Variants in PDS5B observed in about 807,000 individuals in gnomAD.
PDS5B encodes PDS5 cohesin associated factor B.
A neutral mutation model predicts 184.1 loss-of-function variants in PDS5B; 51 were observed. The ratio of observed to expected loss-of-function variants is 0.28; its 90% confidence interval spans 0.22 to 0.35. The LOEUF (loss-of-function observed/expected upper bound fraction) is 0.35, where lower values mean the gene tolerates loss of function less well. Ranked by LOEUF, PDS5B falls within the 10% of genes least tolerant of loss-of-function variation. The probability of loss-of-function intolerance (pLI) is 1.00; values close to 1 mark genes in which losing one functional copy is unlikely to be tolerated. For missense variants in PDS5B, 1,180 were observed against 1,723.3 expected, an observed-to-expected ratio of 0.68 and a Z score of 5.58; for synonymous variants, 566 against 569.2, an observed-to-expected ratio of 0.99 and a Z score of 0.08.
intron 16 of PDS5B, 63 bp from the exon 17 acceptor site, chr13:32,701,260 A>G (rs1951853797): frequency 1.2e-6 from 1 of 845,864 alleles, no homozygotes; most frequent in Non-Finnish European, 2.0e-6. Flanking sequence ...TTGGTTCTTA[A>G]TATTTTAACA....
chr13:32,717,899 ACCCACCCCCCC>A (rs1952528648), intron 19 of PDS5B, among the ~76,000 whole-genome samples: 1 of 71,234 alleles, frequency 1.4e-5, no homozygotes, highest in Non-Finnish European at 2.8e-5. Flanking sequence ...TATCCTCCCC[ACCCACCCCCCC>A]AAAAAAAAAC....
At chr13:32,612,870 C>T (rs985384697) in intron 1 of PDS5B, among the ~76,000 whole-genome samples, 2 of 152,298 alleles carry the variant, frequency 1.3e-5, no homozygotes, top group Middle Eastern at 3.4e-3. Context: ...AATTTTCATT[C>T]ATTATGAATT....
intron 1 of PDS5B, among the ~76,000 whole-genome samples, chr13:32,596,720 A>G (rs1359151789): frequency 2.0e-5 from 3 of 151,870 alleles, no homozygotes; most frequent in African/African-American, 7.3e-5. Context: ...TTGTGGTTTT[A>G]TTTTGGATTT....
At chr13:32,674,387 A>G (rs1951014059) in intron 8 of PDS5B, among the ~76,000 whole-genome samples, 2 of 152,086 alleles carry the variant, frequency 1.3e-5, no homozygotes, top group Non-Finnish European at 2.9e-5. Context: ...TATATTCTGG[A>G]GTAGTTTTTG....
intron 27 of PDS5B, 142 bp downstream of exon 27, chr13:32,758,361 T>G (rs1025504769): frequency 7.1e-5 from 68 of 955,790 alleles, no homozygotes; most frequent in Non-Finnish European, 2.0e-5. Flanking sequence ...TTAGCAGTAA[T>G]TTTATTACAA....
At chr13:32,771,676 A>G (rs541033168) in intron 33 of PDS5B, among the ~76,000 whole-genome samples, 2 of 152,108 alleles carry the variant, frequency 1.3e-5, no homozygotes, top group Admixed American at 6.5e-5. Flanking sequence ...TAATTTTTCT[A>G]TCAGGTTAAA....
intron 19 of PDS5B, among the ~76,000 whole-genome samples, chr13:32,716,312 C>T (rs1314229629): frequency 9.2e-5 from 14 of 151,746 alleles, no homozygotes; most frequent in African/African-American, 2.9e-4. Context: ...TCTGCCCTGC[C>T]GCCCCATCTG....
chr13:32,752,990 A>G (rs1371883564), intron 24 of PDS5B, among the ~76,000 whole-genome samples: 1 of 152,114 alleles, frequency 6.6e-6, no homozygotes, highest in Admixed American at 6.5e-5. Context: ...GGGCAGTTTT[A>G]TCTTGCCCAG....
At chr13:32,719,658 G>C (rs1214601190) in intron 19 of PDS5B, among the ~76,000 whole-genome samples, 1 of 152,068 alleles carries the variant, frequency 6.6e-6, no homozygotes, top group Admixed American at 6.5e-5. Context: ...TTTAGTGGGG[G>C]TGAGGAACCA....
chr13:32,666,580 G>A (rs1316577380), intron 6 of PDS5B, among the ~76,000 whole-genome samples: 2 of 147,070 alleles, frequency 1.4e-5, no homozygotes, highest in Non-Finnish European at 3.0e-5. Context: ...CCCAGAATAA[G>A]CATAGTTGTT....
intron 34 of PDS5B, among the ~76,000 whole-genome samples, chr13:32,774,048 C>T (rs1954879481): frequency 6.6e-6 from 1 of 152,166 alleles, no homozygotes; most frequent in Non-Finnish European, 1.5e-5. Flanking sequence ...AAGTGATCTG[C>T]CTGCTTTGGC....
At chr13:32,687,494 A>G (rs1398351152) in intron 12 of PDS5B, among the ~76,000 whole-genome samples, 1 of 152,170 alleles carries the variant, frequency 6.6e-6, no homozygotes, top group Admixed American at 6.5e-5. Flanking sequence ...TACAGGTTTT[A>G]CGTTCCATTT....
In PDS5B at chr13:32,770,638, G is replaced by A. The variant is rs3752475; in HGVS notation, c.4065-16G>A. The stretch of plus-strand genomic sequence containing the variant: ...ATAATTTGATGCTATCCACATTTGG[G>A]TCTTCCCCAAAGCAGAGCAGAATCT... On this transcript the variant is annotated splice_polypyrimidine_tract_variant and intron_variant, in intron 32 of 34. Coordinates refer to ENST00000315596, the MANE Select transcript of PDS5B (RefSeq NM_015032.4). 136 of 1,603,660 alleles carry A rather than the reference G, an allele frequency of 8.5e-5. No individual in the cohort carries two copies. In the East Asian group the frequency reaches 2.8e-3, roughly 33 times the overall value.
chr13:32,597,599 A>AG lies in PDS5B; in HGVS notation c.-20+11014dup, dbSNP rs1257671734. ...CGAGCACTTTGGGAGGCTGAGGCCG[A>AG]GGGGGGGGCGGCAGGGGGTGCGGGG... On this transcript the variant is annotated intron_variant, in intron 1 of 34. Coordinates refer to ENST00000315596, the MANE Select transcript of PDS5B (RefSeq NM_015032.4). Among the ~76,000 whole-genome samples, 28 of 137,746 alleles carry AG rather than the reference A, an allele frequency of 2.0e-4. 1 individual carries two copies. Among genetic ancestry groups the AG allele is most frequent in the African/African-American group, 3.2e-4 (12 of 37,352 alleles). The allele number at this position is 137,746 out of a possible 152,430, so 90.4% of individuals were successfully genotyped here. A position where few individuals can be genotyped will look rare whatever the true frequency, so the allele number is the denominator to read the frequency against.
At chr13:32,598,833 C>T (rs926510530) in intron 1 of PDS5B, among the ~76,000 whole-genome samples, 3 of 147,090 alleles carry the variant, frequency 2.0e-5, no homozygotes, top group African/African-American at 7.6e-5. Context: ...TGCAGTGGCA[C>T]TATCTCGGCT....
At chr13:32,665,641 GATAGGAATGAATTTCTT>G (rs1566302462) in intron 6 of PDS5B, among the ~76,000 whole-genome samples, 29 of 118,446 alleles carry the variant, frequency 2.4e-4, no homozygotes, top group South Asian at 5.5e-4. Flanking sequence ...ACAACCTCAA[GATAGGAATGAATTTCTT>G]AAGAAAGCTA....
At chr13:32,668,560 C>G (rs1950858562) in intron 7 of PDS5B, among the ~76,000 whole-genome samples, 1 of 152,042 alleles carries the variant, frequency 6.6e-6, no homozygotes, top group African/African-American at 2.4e-5. Context: ...ATATTATATT[C>G]TGTGTGAATG....
At chr13:32,590,736 C>T (rs1353549307) in intron 1 of PDS5B, among the ~76,000 whole-genome samples, 1 of 152,046 alleles carries the variant, frequency 6.6e-6, no homozygotes, top group African/African-American at 2.4e-5. Context: ...CTCCATATCT[C>T]CAAAATATTA....
In PDS5B at chr13:32,730,131, A is replaced by G. The variant is rs186985432; in HGVS notation, c.2124-1970A>G. 5.2e-3 allele frequency among the ~76,000 whole-genome samples: 790 copies of G among 152,296 alleles called. 19 individuals are homozygous for G. The highest frequency in any genetic ancestry group is 0.047 in the Admixed American group (724 of 15,296). ...TTGAGTTAATTTTTGTATAAGGTGT[A>G]AGGAAGGGGTCAAGTTTCAGTTTTC... On this transcript the variant is annotated intron_variant, in intron 19 of 34. Coordinates refer to ENST00000315596, the MANE Select transcript of PDS5B (RefSeq NM_015032.4).
Sources: gnomAD v4.1 joint callset for allele counts (sites outside exome capture counted in the v4.1 genomes callset) on GRCh38, gnomAD v4.1.1 for gene constraint, MANE v1.5 for transcripts, NCBI Gene and HGNC (gene_info 2026-07-23, HGNC 2026-07-21) for gene names.